CSMD1: variants seen among roughly 807,000 people sequenced by gnomAD.
The protein encoded by CSMD1 is CUB and Sushi multiple domains 1.
A neutral mutation model predicts 417.5 loss-of-function variants in CSMD1; 213 were observed. The ratio of observed to expected loss-of-function variants is 0.51; its 90% CI spans 0.46 to 0.57. The LOEUF is 0.57. Among genes scored for constraint, CSMD1 ranks in the 20% least tolerant of loss-of-function variants. The pLI, the probability that CSMD1 is intolerant of heterozygous loss-of-function variation, is 0.00. For missense variants in CSMD1, 6,923 were observed against 4,529.7 expected (o/e 1.53, Z -15.17); for synonymous variants, 2,862 against 1,736.8 (o/e 1.65, Z -16.11).
chr8:4,583,995 G>C (rs1799575886), intron 2 of CSMD1, among the ~76,000 whole-genome samples: 1 of 151,804 alleles, frequency 6.6e-6, no homozygotes, highest in Non-Finnish European at 1.5e-5. Flanking sequence ...CCCACCGGGA[G>C]GGGAGGAACG....
At chr8:3,961,240 T>G (rs1338491426) in intron 5 of CSMD1, among the ~76,000 whole-genome samples, 2 of 152,106 alleles carry the variant, frequency 1.3e-5, no homozygotes, top group Non-Finnish European at 2.9e-5. Flanking sequence ...AGTAAGCTAT[T>G]GAAGAAAAAA....
intron 2 of CSMD1, among the ~76,000 whole-genome samples, chr8:4,586,547 T>G (rs1004831532): frequency 6.6e-6 from 1 of 152,080 alleles, no homozygotes; most frequent in African/African-American, 2.4e-5. Context: ...ATCAATGTTT[T>G]TATGGACGTA....
chr8:4,960,296 G>T (rs568605289), intron 1 of CSMD1, among the ~76,000 whole-genome samples: 2 of 152,170 alleles, frequency 1.3e-5, no homozygotes, highest in South Asian at 2.1e-4. Context: ...ATTTTGCAAC[G>T]CCCCTGATAT....
At chr8:4,715,820 C>A (rs184131747) in intron 1 of CSMD1, among the ~76,000 whole-genome samples, 4 of 152,194 alleles carry the variant, frequency 2.6e-5, no homozygotes, top group African/African-American at 7.2e-5. Context: ...AGCACTACCC[C>A]TCTGGACCAA....
chr8:3,863,937 T>C (rs1368702337), intron 5 of CSMD1, among the ~76,000 whole-genome samples: 1 of 152,194 alleles, frequency 6.6e-6, no homozygotes, highest in Non-Finnish European at 1.5e-5. Flanking sequence ...AAAAATGACC[T>C]CCAGAGGTTT....
chr8:3,411,723 TAC>T (rs1222871322), intron 12 of CSMD1, among the ~76,000 whole-genome samples: 48 of 120,340 alleles, frequency 4.0e-4, no homozygotes, highest in Admixed American at 1.6e-3. Flanking sequence ...TATATACACG[TAC>T]ATATATACAC....
chr8:3,484,628 C>T (rs937751793), intron 11 of CSMD1, among the ~76,000 whole-genome samples: 2 of 151,994 alleles, frequency 1.3e-5, no homozygotes, highest in African/African-American at 2.4e-5. Flanking sequence ...GTGTTGAAAC[C>T]CACATGAAGA....
rs148956709 is a variant in CSMD1, at chr8:3,216,074, T to G, written c.4673-1383A>C. Among the ~76,000 whole-genome samples the G allele has an allele frequency of 4.2e-3, 634 of 149,770 alleles. 7 individuals carry two copies. The highest frequency in any genetic ancestry group is 0.014 in the African/African-American group (590 of 41,140). On this transcript the variant is annotated intron_variant, in intron 29 of 69. Transcript: ENST00000635120. ...TAATATATATTATATATATAAGTTT[T>G]CTCATTTAAGAATTTGAGATTAAAT...
At chr8:3,096,676 C>G (rs950123291) in intron 47 of CSMD1, among the ~76,000 whole-genome samples, 173 bp downstream of exon 47, 42 of 152,158 alleles carry the variant, frequency 2.8e-4, no homozygotes, top group African/African-American at 9.2e-4. Flanking sequence ...GTTTTACAGA[C>G]TGCTTGATCT....
chr8:4,552,776 G>A (rs1010718511), intron 2 of CSMD1, among the ~76,000 whole-genome samples: 1 of 152,092 alleles, frequency 6.6e-6, no homozygotes, highest in African/African-American at 2.4e-5. Context: ...CAGAAGGGTG[G>A]TAAAGTGCTT....
chr8:4,229,732 C>G (rs1801592087), intron 3 of CSMD1, among the ~76,000 whole-genome samples: 1 of 152,162 alleles, frequency 6.6e-6, no homozygotes, highest in African/African-American at 2.4e-5. Flanking sequence ...ACCCCATCCT[C>G]TGCCGTCCTG....
intron 5 of CSMD1, among the ~76,000 whole-genome samples, chr8:3,862,820 A>G (rs1456719785): frequency 6.6e-6 from 1 of 152,162 alleles, no homozygotes; most frequent in Non-Finnish European, 1.5e-5. Context: ...CCTGCCCTCA[A>G]ATGGCAAGTT....
At chr8:3,680,015 C>G (rs539101059) in intron 7 of CSMD1, among the ~76,000 whole-genome samples, 14 of 152,140 alleles carry the variant, frequency 9.2e-5, no homozygotes, top group Non-Finnish European at 1.3e-4. Context: ...ATGCCAGAAT[C>G]TCTGGGACAC....
chr8:3,683,386 C>T (rs966193295), intron 7 of CSMD1, among the ~76,000 whole-genome samples: 1 of 152,142 alleles, frequency 6.6e-6, no homozygotes, highest in Admixed American at 6.5e-5. Context: ...CTGGGCACTG[C>T]ATCCTTATCA....
intron 3 of CSMD1, among the ~76,000 whole-genome samples, chr8:4,418,601 T>C (rs1251202573): frequency 1.3e-5 from 2 of 152,194 alleles, no homozygotes; most frequent in Admixed American, 6.6e-5. Flanking sequence ...GGACAAAATA[T>C]GCCTGGCATA....
chr8:4,827,260 G>T (rs534524975), intron 1 of CSMD1, among the ~76,000 whole-genome samples: 2 of 151,994 alleles, frequency 1.3e-5, no homozygotes, highest in South Asian at 4.2e-4. Context: ...ATGAATTTAA[G>T]GACTAATATT....
chr8:4,871,614 G>A (rs1452845269), intron 1 of CSMD1, among the ~76,000 whole-genome samples: 2 of 152,042 alleles, frequency 1.3e-5, no homozygotes, highest in African/African-American at 4.8e-5. Flanking sequence ...GAAACAGTTG[G>A]AAAGCCATAG....
chr8:2,982,888 G>C (rs997459239), intron 54 of CSMD1, among the ~76,000 whole-genome samples: 1 of 152,082 alleles, frequency 6.6e-6, no homozygotes, highest in Non-Finnish European at 1.5e-5. Context: ...TCTGCACGCT[G>C]GTCTCTTATA....
At chr8:3,264,943 T>C (rs1390869632) in intron 26 of CSMD1, among the ~76,000 whole-genome samples, 1 of 152,164 alleles carries the variant, frequency 6.6e-6, no homozygotes, top group Non-Finnish European at 1.5e-5. Context: ...TTATATATTC[T>C]TTAATAACGA....
Sources: gnomAD v4.1 joint callset for allele counts (sites outside exome capture counted in the v4.1 genomes callset) on GRCh38, gnomAD v4.1.1 for gene constraint, MANE v1.5 for transcripts, NCBI Gene and HGNC (gene_info 2026-07-23, HGNC 2026-07-21) for gene names.